BIVM: variants seen among roughly 807,000 people sequenced by gnomAD.
BIVM encodes basic, immunoglobulin-like variable motif containing.
In BIVM, 31 loss-of-function variants were observed where a neutral mutation model predicts 61.4. The observed-to-expected ratio is 0.51, with a 90% CI of 0.38 to 0.68. The LOEUF (loss-of-function observed/expected upper bound fraction) is 0.68, where lower values mean the gene tolerates loss of function less well. BIVM is among the 30% of genes least tolerant of loss of function. The probability of loss-of-function intolerance (pLI) is 0.00; values close to 1 mark genes in which losing one functional copy is unlikely to be tolerated. For synonymous variants in BIVM, 189 were observed against 210.7 expected (o/e 0.90, Z 0.89); for missense variants, 526 against 596.0 (o/e 0.88, Z 1.22).
At chr13:102,811,302 A>T (rs1412424758) in intron 3 of BIVM, among the ~76,000 whole-genome samples, 4 of 152,072 alleles carry the variant, frequency 2.6e-5, no homozygotes, top group African/African-American at 4.8e-5. Flanking sequence ...TTTGTCTGGG[A>T]ATGTCTGAGT....
At chr13:102,827,513 A>T in intron 7 of BIVM, among the ~76,000 whole-genome samples, 1 of 151,986 alleles carries the variant, frequency 6.6e-6, no homozygotes, top group Non-Finnish European at 1.5e-5. Flanking sequence ...CATTTCCTGA[A>T]GGATAATTAA....
At chr13:102,817,290 T>C (rs1290105278) in intron 4 of BIVM, among the ~76,000 whole-genome samples, 3 of 152,254 alleles carry the variant, frequency 2.0e-5, no homozygotes, top group African/African-American at 7.2e-5. Flanking sequence ...TCCTAAATTA[T>C]GCATCTAACC....
At chr13:102,803,181 A>G (rs1057116411) in intron 1 of BIVM, among the ~76,000 whole-genome samples, 1 of 148,806 alleles carries the variant, frequency 6.7e-6, no homozygotes, top group Non-Finnish European at 1.5e-5. Flanking sequence ...AAAAAAGGTT[A>G]TTCTATATAT....
At chr13:102,831,538 G>C (rs1198056010) in intron 7 of BIVM, 27 bp from the exon 8 acceptor site, 1 of 1,613,650 alleles carries the variant, frequency 6.2e-7, no homozygotes. Flanking sequence ...TGGGCTTTCA[G>C]TTTGTGTGTT....
At chr13:102,814,194 G>A (rs1879702332) in intron 3 of BIVM, among the ~76,000 whole-genome samples, 1 of 152,064 alleles carries the variant, frequency 6.6e-6, no homozygotes, top group Non-Finnish European at 1.5e-5. Context: ...AGGAGCAGTG[G>A]GCGAAGGTTC....
At chr13:102,815,209 A>ATAG (rs1879783194) in intron 3 of BIVM, among the ~76,000 whole-genome samples, 1 of 152,178 alleles carries the variant, frequency 6.6e-6, no homozygotes, top group Admixed American at 6.5e-5. Flanking sequence ...GTTTCTCTGT[A>ATAG]TAGTATCTTG....
At chr13:102,809,074 G>T (rs1052264219) in intron 3 of BIVM, among the ~76,000 whole-genome samples, 2 of 151,832 alleles carry the variant, frequency 1.3e-5, no homozygotes, top group Non-Finnish European at 2.9e-5. Flanking sequence ...CTTACTTTGG[G>T]TTTATTTTGT....
intron 7 of BIVM, among the ~76,000 whole-genome samples, chr13:102,827,968 A>G (rs1235293596): frequency 6.6e-6 from 1 of 152,190 alleles, no homozygotes; most frequent in African/African-American, 2.4e-5. Context: ...CTATTTGTTT[A>G]AAAACACTTT....
At chr13:102,810,158 T>C (rs1443605262) in intron 3 of BIVM, among the ~76,000 whole-genome samples, 1 of 152,256 alleles carries the variant, frequency 6.6e-6, no homozygotes, top group Non-Finnish European at 1.5e-5. Flanking sequence ...GAAACCACAA[T>C]TTTACTTTTT....
Position 102,839,825 on chromosome 13 carries a change from G to A in BIVM, c.1472G>A (p.Ser491Asn). The A allele has an allele frequency of 6.2e-7, 1 of 1,613,728 alleles. No individual in the cohort carries two copies. Among genetic ancestry groups the A allele is most frequent in the South Asian group, 1.1e-5 (1 of 91,080 alleles). The change falls in exon 11 of 11, where the codon AGT becomes AAT. Residue 491 changes from serine to asparagine, a missense_variant. This residue lies in a region of BIVM where 210 missense variants were observed against 233.1 expected (regional missense o/e 0.90). Coordinates refer to ENST00000257336, the MANE Select transcript of BIVM (RefSeq NM_017693.4). ...TCTAGTATCCATGAGAGAAGGAACA[G>A]TGGTTACCAGGGTTACAGTGATTAC... ...KMSSIHERRN[S>N]GYQGYSDYDG...
intron 4 of BIVM, among the ~76,000 whole-genome samples, chr13:102,818,127 T>C (rs1008042749): frequency 2.6e-5 from 4 of 151,948 alleles, no homozygotes; most frequent in African/African-American, 9.7e-5. Flanking sequence ...ATATGAAGGG[T>C]TGGAGGGTGA....
intron 7 of BIVM, among the ~76,000 whole-genome samples, chr13:102,827,602 A>G (rs1880762654): frequency 6.6e-6 from 1 of 152,026 alleles, no homozygotes; most frequent in African/African-American, 2.4e-5. Context: ...TTCATCTCTG[A>G]TATGTTCCTT....
chr13:102,820,054 G>A (rs971255696), intron 4 of BIVM, among the ~76,000 whole-genome samples: 2 of 152,012 alleles, frequency 1.3e-5, no homozygotes, highest in Non-Finnish European at 2.9e-5. Context: ...CCACAACCAC[G>A]CTTGACTAGC....
chr13:102,821,897 A>T, intron 6 of BIVM, 50 bp downstream of exon 6: 4 of 1,586,960 alleles, frequency 2.5e-6, no homozygotes, highest in Non-Finnish European at 3.5e-6. Flanking sequence ...TTTGCAAAAT[A>T]ATAATGATGT....
At chr13:102,822,210 C>T (rs1179715405) in intron 7 of BIVM, 51 bp downstream of exon 7, 4 of 1,510,346 alleles carry the variant, frequency 2.6e-6, no homozygotes, top group African/African-American at 1.4e-5. Flanking sequence ...CATGCACACA[C>T]ACACATACAC....
At position 102,831,631 on chromosome 13, in the gene BIVM, G is replaced by A; in HGVS notation, c.968G>A (p.Cys323Tyr). 2.5e-6 allele frequency: 4 copies of A among 1,614,114 alleles called. No individual in the cohort carries two copies. Among genetic ancestry groups the A allele is most frequent in the Non-Finnish European group, 3.4e-6 (4 of 1,180,014 alleles). Residue 323 changes from cysteine to tyrosine, a missense_variant, in exon 8 of 11, where the codon TGC becomes TAC. This residue lies in a region of BIVM where 210 missense variants were observed against 233.1 expected (regional missense o/e 0.90). Transcript: ENST00000257336. ...GAATCGCTGGCTTATATCTATCATT[G>A]CCAAAATCATTATTTTTGTCCAATT... is the stretch of plus-strand genomic sequence containing the variant. The part of the protein sequence containing the change: ...KDESLAYIYH[C>Y]QNHYFCPIGF...
chr13:102,834,558 T>A lies in BIVM; in HGVS notation c.1121+6T>A. 6.4e-7 allele frequency: 1 copy of A among 1,572,454 alleles called. No individual in the cohort carries two copies. ...CCTGCCATTCACTGTAAAAAGTATG[T>A]TAACTTCCCTTTATTTTCTTTAATT... On this transcript the variant is annotated splice_donor_region_variant and intron_variant, in intron 9 of 10. Coordinates refer to ENST00000257336, the MANE Select transcript of BIVM (RefSeq NM_017693.4).
intron 8 of BIVM, among the ~76,000 whole-genome samples, chr13:102,833,702 AT>A (rs1196158423): frequency 1.4e-4 from 22 of 152,144 alleles, no homozygotes; most frequent in Admixed American, 6.5e-5. Flanking sequence ...GAAGAGAGGG[AT>A]TCTGAGACAG....
intron 8 of BIVM, 54 bp from the exon 9 acceptor site, chr13:102,834,412 A>C: frequency 6.7e-7 from 1 of 1,491,818 alleles, no homozygotes; most frequent in Non-Finnish European, 9.1e-7. Context: ...TATTTGAAGC[A>C]ATATACTCAA....
Sources: allele counts gnomAD v4.1 joint callset (sites outside exome capture counted in the v4.1 genomes callset), GRCh38; gene constraint gnomAD v4.1.1; regional missense constraint gnomAD v4.1.1; transcripts MANE v1.5; gene names NCBI Gene and HGNC (gene_info 2026-07-23, HGNC 2026-07-21).